ADCY2: variants seen among roughly 807,000 people sequenced by gnomAD.
ADCY2 encodes the protein adenylate cyclase 2.
In ADCY2, 31 loss-of-function variants were observed where a neutral mutation model predicts 125.2. The observed-to-expected ratio is 0.25, with a 90% CI of 0.19 to 0.33. ADCY2 has a LOEUF of 0.33. Among genes scored for constraint, ADCY2 ranks in the 10% least tolerant of loss-of-function variants. The pLI is 1.00. For missense variants in ADCY2, 904 were observed against 1,418.2 expected (o/e 0.64, Z 5.82); for synonymous variants, 512 against 548.4 (o/e 0.93, Z 0.93).
At chr5:7,824,392 A>G (rs569469614) in intron 24 of ADCY2, among the ~76,000 whole-genome samples, 9 of 152,224 alleles carry the variant, frequency 5.9e-5, no homozygotes, top group Admixed American at 3.9e-4. Context: ...GGCATTATGA[A>G]CACCAGTGGA....
intron 16 of ADCY2, 96 bp downstream of exon 16, chr5:7,757,682 G>T: frequency 1.3e-6 from 2 of 1,511,900 alleles, no homozygotes; most frequent in Non-Finnish European, 1.8e-6. Flanking sequence ...TGTTCAACAT[G>T]GTAAGCCCCA....
intron 2 of ADCY2, among the ~76,000 whole-genome samples, chr5:7,489,159 C>G (rs1743060394): frequency 6.6e-6 from 1 of 152,154 alleles, no homozygotes; most frequent in Non-Finnish European, 1.5e-5. Context: ...CTTGGATACC[C>G]CCCTTTGCTG....
Position 7,826,851 on chromosome 5 carries a change from C to A in ADCY2, c.3256C>A (p.Gln1086Lys). 6.2e-7 allele frequency: 1 copy of A among 1,610,538 alleles called. No homozygotes were observed. The highest frequency in any genetic ancestry group is 8.5e-7 in the Non-Finnish European group (1 of 1,178,810). The stretch of plus-strand genomic sequence containing the variant: ...CACAGAAATGTCAAGGTCCCTTTCC[C>A]AGAGCAACGTGGCATCCTGAAGAGT... ...VNTEMSRSLS[Q>K]SNVAS The change falls in exon 25 of 25, where the codon CAG becomes AAG. Residue 1086 changes from glutamine (Q) to lysine (K), a missense_variant. By Grantham distance (53) the Gln-to-Lys change is moderately conservative. This residue lies in a region of ADCY2 where 181 missense variants were observed against 381.6 expected (regional missense o/e 0.47). Transcript: ENST00000338316.
At chr5:7,677,404 G>T (rs1304266930) in intron 4 of ADCY2, among the ~76,000 whole-genome samples, 1 of 152,216 alleles carries the variant, frequency 6.6e-6, no homozygotes, top group East Asian at 1.9e-4. Context: ...AACATGAACG[G>T]TTCCTCTCCA....
intron 2 of ADCY2, among the ~76,000 whole-genome samples, chr5:7,425,309 C>T (rs556564546): frequency 1.6e-4 from 25 of 152,178 alleles, no homozygotes; most frequent in Non-Finnish European, 2.9e-4. Flanking sequence ...TTTTTGATGG[C>T]GGCTATCTTA....
intron 3 of ADCY2, among the ~76,000 whole-genome samples, chr5:7,616,925 G>A (rs996440269): frequency 1.3e-5 from 2 of 152,110 alleles, no homozygotes; most frequent in Non-Finnish European, 2.9e-5. Context: ...AGACACCAGG[G>A]TTGTGTGCTC....
At chr5:7,627,470 G>C (rs1372791490) in intron 4 of ADCY2, among the ~76,000 whole-genome samples, 2 of 152,086 alleles carry the variant, frequency 1.3e-5, no homozygotes, top group South Asian at 2.1e-4. Context: ...TGTGTTCCTG[G>C]GTTTGTGTAT....
intron 10 of ADCY2, among the ~76,000 whole-genome samples, chr5:7,711,721 G>T (rs1166623278): frequency 6.6e-6 from 1 of 152,164 alleles, no homozygotes; most frequent in Non-Finnish European, 1.5e-5. Flanking sequence ...CTCAACTTCA[G>T]AAATTTGTTT....
intron 3 of ADCY2, among the ~76,000 whole-genome samples, chr5:7,583,500 A>G (rs1736503345): frequency 6.6e-6 from 1 of 152,074 alleles, no homozygotes; most frequent in Non-Finnish European, 1.5e-5. Flanking sequence ...ATAAACCCAT[A>G]AAAAGGGACT....
At chr5:7,747,677 C>T (rs1185485654) in intron 15 of ADCY2, among the ~76,000 whole-genome samples, 2 of 152,142 alleles carry the variant, frequency 1.3e-5, no homozygotes, top group Non-Finnish European at 2.9e-5. Flanking sequence ...TATCATCTAA[C>T]TTTCATAATC....
chr5:7,815,704 A>G (rs975058581), intron 22 of ADCY2, among the ~76,000 whole-genome samples: 8 of 152,222 alleles, frequency 5.3e-5, no homozygotes, highest in Non-Finnish European at 7.3e-5. Flanking sequence ...ACTTCTTCCC[A>G]CTGGGAAATC....
chr5:7,625,222 A>G (rs566142343), intron 3 of ADCY2, among the ~76,000 whole-genome samples: 26 of 152,364 alleles, frequency 1.7e-4, no homozygotes, highest in African/African-American at 6.3e-4. Flanking sequence ...AAAGGATGAT[A>G]CAGTCACAGA....
Position 7,772,925 on chromosome 5 carries a change from G to C in ADCY2, c.2215-7G>C. The C allele has an allele frequency of 6.2e-7, 1 of 1,613,704 alleles. No individual in the cohort carries two copies. Among genetic ancestry groups the C allele is most frequent in the Non-Finnish European group, 8.5e-7 (1 of 1,179,736 alleles). ...AAGTATCTGTCTGGTGTCCTTCCCT[G>C]TTTCAGTACTTTATCTACAGCTGCA... On this transcript the variant is annotated splice_polypyrimidine_tract_variant and splice_region_variant and intron_variant, in intron 17 of 24. Transcript: ENST00000338316.
At chr5:7,735,438 T>A (rs1017686989) in intron 14 of ADCY2, among the ~76,000 whole-genome samples, 14 of 152,242 alleles carry the variant, frequency 9.2e-5, no homozygotes, top group African/African-American at 3.1e-4. Context: ...CTTTTACCAT[T>A]AAGTATGATG....
intron 3 of ADCY2, among the ~76,000 whole-genome samples, chr5:7,525,142 A>G (rs1409893478): frequency 6.6e-6 from 1 of 152,092 alleles, no homozygotes; most frequent in Non-Finnish European, 1.5e-5. Context: ...CGCTGGGACT[A>G]CAGGCACACG....
chr5:7,743,899 G>A, intron 15 of ADCY2, 147 bp downstream of exon 15: 1 of 692,078 alleles, frequency 1.4e-6, no homozygotes, highest in Non-Finnish European at 2.4e-6. Context: ...ACACCCTTCA[G>A]GTCTATAACC....
At chr5:7,675,596 A>T (rs1529474) in intron 4 of ADCY2, among the ~76,000 whole-genome samples, 1 of 152,002 alleles carries the variant, frequency 6.6e-6, no homozygotes, top group South Asian at 2.1e-4. Context: ...CAAACCAGGC[A>T]CTGTTCCATT....
chr5:7,480,439 A>G (rs1189714028), intron 2 of ADCY2, among the ~76,000 whole-genome samples: 2 of 152,320 alleles, frequency 1.3e-5, no homozygotes, highest in East Asian at 3.9e-4. Flanking sequence ...GAATGAGATC[A>G]TGTCCTTTGC....
chr5:7,705,376 G>T (rs144109003), intron 7 of ADCY2, among the ~76,000 whole-genome samples: 48 of 152,380 alleles, frequency 3.2e-4, no homozygotes, highest in African/African-American at 1.1e-3. Context: ...CCTCAGGGCA[G>T]TTACAGGACA....
Sources: allele counts gnomAD v4.1 joint callset (sites outside exome capture counted in the v4.1 genomes callset), GRCh38; gene constraint gnomAD v4.1.1; regional missense constraint gnomAD v4.1.1; transcripts MANE v1.5; gene names NCBI Gene and HGNC (gene_info 2026-07-23, HGNC 2026-07-21).